Variants in DHX30 observed in about 807,000 individuals in gnomAD.
The protein encoded by DHX30 is DExH-box helicase 30.
DHX30 carries 4 observed loss-of-function variants against 116.9 expected under a neutral mutation model. That is an observed-to-expected ratio of 0.03 (90% confidence interval 0.02 to 0.08). The LOEUF (loss-of-function observed/expected upper bound fraction) is 0.08, where lower values mean the gene tolerates loss of function less well. Among genes scored for constraint, DHX30 ranks in the 10% least tolerant of loss-of-function variants. The probability of loss-of-function intolerance (pLI) is 1.00; values close to 1 mark genes in which losing one functional copy is unlikely to be tolerated. For synonymous variants in DHX30, 697 were observed against 651.7 expected (o/e 1.07, Z -1.06); for missense variants, 871 against 1,595.1 (o/e 0.55, Z 7.73).
intron 6 of DHX30, among the ~76,000 whole-genome samples, chr3:47,840,372 C>A (rs555186803): frequency 6.6e-6 from 1 of 151,066 alleles, no homozygotes; most frequent in African/African-American, 2.4e-5. Flanking sequence ...GGGCTTGGTG[C>A]GGTGGCTCAT....
At chr3:47,809,035 C>A (rs940195946) in intron 2 of DHX30, among the ~76,000 whole-genome samples, 6 of 151,866 alleles carry the variant, frequency 4.0e-5, no homozygotes, top group Non-Finnish European at 8.8e-5. Flanking sequence ...ATTACAGGCG[C>A]CTGCCACCGT....
At chr3:47,817,801 GCT>G (rs1375752382) in intron 3 of DHX30, among the ~76,000 whole-genome samples, 1 of 152,128 alleles carries the variant, frequency 6.6e-6, no homozygotes, top group Admixed American at 6.5e-5. Flanking sequence ...GAGTTTGAGG[GCT>G]CTCTCTAAGG....
rs1301756141 is a variant in DHX30 at position 47,849,179 on chromosome 3, T to C, written c.2930-13T>C. ...TAGGGGCTGTAGGTCCACCACACATTCTGTCTCCCTAGGACTCATCAAGCA... is the reference window on the plus strand; with the variant it reads ...TAGGGGCTGTAGGTCCACCACACATCCTGTCTCCCTAGGACTCATCAAGCA... On this transcript the variant is annotated splice_polypyrimidine_tract_variant and intron_variant, in intron 18 of 21. Coordinates refer to ENST00000445061, the MANE Select transcript of DHX30 (RefSeq NM_138615.3). The C allele has an allele frequency of 6.2e-7, 1 of 1,613,596 alleles. No homozygotes were observed. The highest frequency in any genetic ancestry group is 8.5e-7 in the Non-Finnish European group (1 of 1,179,820).
chr3:47,815,320 A>T (rs2036000308), intron 3 of DHX30, among the ~76,000 whole-genome samples: 1 of 152,172 alleles, frequency 6.6e-6, no homozygotes, highest in African/African-American at 2.4e-5. Flanking sequence ...CCCTTGATAA[A>T]TACTGGAGAG....
chr3:47,835,674 T>C (rs1411033763), intron 6 of DHX30, among the ~76,000 whole-genome samples: 2 of 152,186 alleles, frequency 1.3e-5, no homozygotes, highest in Admixed American at 1.3e-4. Context: ...ACTCCTGACC[T>C]CAGGTGGTCC....
chr3:47,808,517 C>T (rs544575048), intron 2 of DHX30, among the ~76,000 whole-genome samples: 5 of 151,872 alleles, frequency 3.3e-5, no homozygotes, highest in East Asian at 3.9e-4. Context: ...TGTGCCTAGC[C>T]AGTTTACCAT....
chr3:47,821,341 C>T (rs1266500771), intron 4 of DHX30, among the ~76,000 whole-genome samples: 1 of 152,102 alleles, frequency 6.6e-6, no homozygotes, highest in Non-Finnish European at 1.5e-5. Flanking sequence ...TCTTGGCTCA[C>T]CGCAACCTCC....
Position 47,847,978 on chromosome 3 carries a change from C to T in DHX30, c.2286+22C>T, listed in dbSNP as rs766537020. 8.1e-6 allele frequency: 13 copies of T among 1,610,538 alleles called. No individual in the cohort carries two copies. Among genetic ancestry groups the T allele is most frequent in the South Asian group, 4.4e-5 (4 of 90,966 alleles). On this transcript the variant is annotated intron_variant, in intron 14 of 21. Transcript: ENST00000445061. This position sits in a 1 kb window ranked among gnomAD's most constrained non-coding sequence, Gnocchi z 5.5. ...CAAGGTGGCACCTACCTCCTGGGCC[C>T]GGCCAACCACTGGGGGAGGGACTCC...
At chr3:47,842,868 A>G (rs1417628459) in intron 8 of DHX30, among the ~76,000 whole-genome samples, 1 of 152,224 alleles carries the variant, frequency 6.6e-6, no homozygotes, top group African/African-American at 2.4e-5. Context: ...GCATTGCCCA[A>G]GCACTGTCTT....
At chr3:47,809,234 C>CTT (rs71070231) in intron 2 of DHX30, among the ~76,000 whole-genome samples, 12,952 of 63,236 alleles carry the variant, frequency 0.2, 4,279 homozygotes, top group Non-Finnish European at 0.24. Flanking sequence ...AATGTAACTT[C>CTT]TTTTTTTTTT....
chr3:47,804,640 A>G (rs1239124932), intron 1 of DHX30, among the ~76,000 whole-genome samples: 1 of 152,220 alleles, frequency 6.6e-6, no homozygotes, highest in Non-Finnish European at 1.5e-5. Context: ...AGATAACAGT[A>G]TAATATGTCT....
intron 3 of DHX30, 143 bp from the exon 4 acceptor site, chr3:47,817,879 T>C: frequency 4.0e-6 from 3 of 743,430 alleles, no homozygotes; most frequent in Non-Finnish European, 7.5e-6. Context: ...GTGCTGTTCC[T>C]CAGAACCTGT....
intron 2 of DHX30, among the ~76,000 whole-genome samples, chr3:47,808,748 G>A (rs2035647262): frequency 6.7e-6 from 1 of 149,818 alleles, no homozygotes; most frequent in Non-Finnish European, 1.5e-5. Flanking sequence ...GCTAATTTTT[G>A]TATTTTTACT....
chr3:47,813,165 C>T (rs1486186546), intron 3 of DHX30, among the ~76,000 whole-genome samples: 4 of 151,824 alleles, frequency 2.6e-5, no homozygotes, highest in Admixed American at 6.6e-5. Context: ...GGTGAAACCC[C>T]GTCTCTACTA....
chr3:47,828,723 ACT>A (rs925351700), intron 5 of DHX30, among the ~76,000 whole-genome samples: 6 of 107,216 alleles, frequency 5.6e-5, no homozygotes, highest in African/African-American at 1.7e-4. Flanking sequence ...ACAGTGCAAG[ACT>A]CTGTCTCAAA....
chr3:47,828,624 A>G lies in DHX30; in HGVS notation c.256-400A>G, dbSNP rs2036658627. ...GTCTCTACTAAAAGTACAAAAAATT[A>G]GCTGGGCGTGGTGGTGGGCACCTGT... On this transcript the variant is annotated intron_variant, in intron 5 of 21. Transcript: ENST00000445061. 2.6e-5 allele frequency among the ~76,000 whole-genome samples: 4 copies of G among 151,972 alleles called. No homozygotes were observed. The South Asian group carries it at 8.3e-4, about 31-fold the overall frequency.
At position 47,847,632 on chromosome 3, in the gene DHX30, C is replaced by T. The variant is rs2037676286; in HGVS notation, c.2110+96C>T. ...ACTGGGACTCCAGGGGCCCCGGTTTCTGACCAAGCTGTGGCACTTTTCACT... is the reference window on the plus strand; with the variant it reads ...ACTGGGACTCCAGGGGCCCCGGTTTTTGACCAAGCTGTGGCACTTTTCACT... On this transcript the variant is annotated intron_variant, in intron 13 of 21. Transcript: ENST00000445061. The surrounding 1 kb of genome is among the most constrained non-coding windows in gnomAD (Gnocchi z 5.5). 2 of 1,457,052 alleles carry T rather than the reference C, an allele frequency of 1.4e-6. No individual in the cohort carries two copies. Among genetic ancestry groups the T allele is most frequent in the Admixed American group, 4.6e-5 (2 of 43,472 alleles). The allele number at this position is 1,457,052 out of a possible 1,614,324, so 90.3% of individuals were successfully genotyped here.
At chr3:47,815,652 G>C (rs562044839) in intron 3 of DHX30, among the ~76,000 whole-genome samples, 1 of 140,998 alleles carries the variant, frequency 7.1e-6, no homozygotes, top group Non-Finnish European at 1.5e-5. Context: ...TCTTAACTTA[G>C]CTGTCTGATT....
In DHX30 at chr3:47,845,483, G is replaced by A. The variant is rs1406954481; in HGVS notation, c.940-217G>A. ...ATTACAGGCGTGAGCCACCGCGCCC[G>A]GCCTGAATTAACTTTAGTTCATTTT... On this transcript the variant is annotated intron_variant, in intron 9 of 21. Coordinates refer to ENST00000445061, the MANE Select transcript of DHX30 (RefSeq NM_138615.3). 11 of 475,760 alleles carry A rather than the reference G, an allele frequency of 2.3e-5. No homozygotes were observed. The East Asian group carries it at 2.4e-4, about 10-fold the overall frequency. 29.5% of individuals were successfully genotyped at this position (475,760 alleles called of 1,614,324 possible).
Sources: gnomAD v4.1 joint callset for allele counts (sites outside exome capture counted in the v4.1 genomes callset) on GRCh38, gnomAD v4.1.1 for gene constraint, Gnocchi (gnomAD v3.1) non-coding constraint, MANE v1.5 for transcripts, NCBI Gene and HGNC (gene_info 2026-07-23, HGNC 2026-07-21) for gene names.